Variants in PIEZO2 observed in about 807,000 individuals in gnomAD.
PIEZO2 encodes the protein piezo type mechanosensitive ion channel component 2.
In PIEZO2, 172 loss-of-function variants were observed where a neutral mutation model predicts 337.3. The observed-to-expected ratio is 0.51, with a 90% CI of 0.45 to 0.58. PIEZO2 has a LOEUF of 0.58. Among genes scored for constraint, PIEZO2 ranks in the 20% least tolerant of loss-of-function variants. PIEZO2 has a pLI of 0.00. For synonymous variants in PIEZO2, 1,251 were observed against 1,228.5 expected (o/e 1.02, Z -0.38); for missense variants, 3,028 against 3,391.3 (o/e 0.89, Z 2.66).
In PIEZO2 at chr18:10,856,240, G is replaced by A. The variant is rs1362649630; in HGVS notation, c.704-674C>T. On this transcript the variant is annotated intron_variant, in intron 6 of 55. Transcript: ENST00000674853. The surrounding 1 kb of genome is among the most constrained non-coding windows in gnomAD (Gnocchi z 4.7). ...GTGTTTTTAAGGAATCATAAATAAA[G>A]CCATCACCTTAGGGCAAAAGGAGTC... Among the ~76,000 whole-genome samples, 1 of 152,062 alleles carries A rather than the reference G, an allele frequency of 6.6e-6. No homozygotes were observed. The highest frequency in any genetic ancestry group is 1.5e-5 in the Non-Finnish European group (1 of 67,992).
chr18:11,128,079 C>T lies in PIEZO2; in HGVS notation c.64+20446G>A, dbSNP rs774611211. Among the ~76,000 whole-genome samples the T allele has an allele frequency of 6.6e-6, 1 of 152,078 alleles. No homozygotes were observed. The highest frequency in any genetic ancestry group is 2.4e-5 in the African/African-American group (1 of 41,400). On this transcript the variant is annotated intron_variant, in intron 1 of 55. Transcript: ENST00000674853. This position sits in a 1 kb window ranked among gnomAD's most constrained non-coding sequence, Gnocchi z 4.1. The stretch of plus-strand genomic sequence containing the variant: ...AATGCATTTGACACTCCTGATTCAC[C>T]ACTCATGACAGGCAAGGAGTTTAGT...
intron 3 of PIEZO2, among the ~76,000 whole-genome samples, chr18:10,967,754 C>A (rs1165533672): frequency 6.6e-6 from 1 of 152,080 alleles, no homozygotes; most frequent in African/African-American, 2.4e-5. Context: ...TGAGAATTGT[C>A]TATTCATGTC....
chr18:10,757,720 T>G (rs187620808), intron 27 of PIEZO2, among the ~76,000 whole-genome samples: 1 of 151,882 alleles, frequency 6.6e-6, no homozygotes, highest in African/African-American at 2.4e-5. Flanking sequence ...CAAGTCAGTT[T>G]TGGTATGAAG....
intron 2 of PIEZO2, among the ~76,000 whole-genome samples, chr18:11,050,996 T>C (rs912464617): frequency 6.6e-6 from 1 of 152,008 alleles, no homozygotes; most frequent in African/African-American, 2.4e-5. Flanking sequence ...AAAAAATATT[T>C]TGGGGGCAAG....
At chr18:10,780,237 C>A (rs1162717842) in intron 18 of PIEZO2, 88 bp downstream of exon 18, 3 of 689,192 alleles carry the variant, frequency 4.4e-6, no homozygotes, top group African/African-American at 3.5e-5. Flanking sequence ...TCTGACAACA[C>A]GATTTTCATG....
Position 10,677,865 on chromosome 18 carries a change from G to C in PIEZO2, c.7963C>G (p.Leu2655Val). The C allele has an allele frequency of 6.4e-7, 1 of 1,572,650 alleles. No individual in the cohort carries two copies. The highest frequency in any genetic ancestry group is 1.4e-5 in the African/African-American group (1 of 70,050). The part of the protein sequence containing the change: ...FSWSIQRNLS[L>V]GAKSEIATDK... ...GTTGCTATTTCCGATTTTGCACCCA[G>C]ACTTAAGTTTCTGTGAAGAAAAAAA... is the stretch of plus-strand genomic sequence containing the variant. The change falls in exon 53 of 56, where the codon CTG (leucine) becomes GTG (valine). Residue 2655 changes from leucine (L) to valine (V), a missense_variant. Physicochemically the swap from Leu to Val is conservative, Grantham distance 32. Transcript: ENST00000674853. The surrounding 1 kb of genome is among the most constrained non-coding windows in gnomAD (Gnocchi z 4.1).
intron 2 of PIEZO2, among the ~76,000 whole-genome samples, chr18:11,015,480 C>T (rs981813020): frequency 6.6e-6 from 1 of 152,192 alleles, no homozygotes; most frequent in East Asian, 1.9e-4. Flanking sequence ...CTCACATCTG[C>T]AAAGTCCTTT....
At position 10,979,784 on chromosome 18, in the gene PIEZO2, A is replaced by T; in HGVS notation, c.161-124T>A. The T allele has an allele frequency of 1.2e-6, 1 of 831,272 alleles. No individual in the cohort carries two copies. 51.5% of individuals were successfully genotyped at this position (831,272 alleles called of 1,614,324 possible). ...GACTCAAAAGTATATGGAATGTAAT[A>T]ATTATCATCTTAATTATTAGTCTAT... On this transcript the variant is annotated intron_variant, in intron 2 of 55. Coordinates refer to ENST00000674853, the MANE Select transcript of PIEZO2 (RefSeq NM_001378183.1). This position sits in a 1 kb window ranked among gnomAD's most constrained non-coding sequence, Gnocchi z 4.0.
In PIEZO2 at chr18:10,863,897, A is replaced by G. The variant is rs1036970992; in HGVS notation, c.493-6686T>C. On this transcript the variant is annotated intron_variant, in intron 5 of 55. Transcript: ENST00000674853. The surrounding 1 kb of genome is among the most constrained non-coding windows in gnomAD (Gnocchi z 4.3). ...ACACACACACACACCTATATCATCC[A>G]CTCAGTTCACATTAGTTCCAGAGAT... is the stretch of plus-strand genomic sequence containing the variant. Among the ~76,000 whole-genome samples, 1 of 151,724 alleles carries G rather than the reference A, an allele frequency of 6.6e-6. No homozygotes were observed. The highest frequency in any genetic ancestry group is 1.5e-5 in the Non-Finnish European group (1 of 68,006).
intron 2 of PIEZO2, among the ~76,000 whole-genome samples, chr18:11,059,850 A>G (rs1412193081): frequency 1.3e-5 from 2 of 152,204 alleles, no homozygotes; most frequent in African/African-American, 4.8e-5. Flanking sequence ...CAGATCAATG[A>G]GACAGAAAGT....
intron 2 of PIEZO2, among the ~76,000 whole-genome samples, chr18:11,000,294 AT>A (rs1451960558): frequency 6.6e-6 from 1 of 152,074 alleles, no homozygotes; most frequent in Non-Finnish European, 1.5e-5. Flanking sequence ...TCAATTTTCT[AT>A]TTCCAATTTT....
chr18:10,801,349 A>G, intron 10 of PIEZO2, 41 bp downstream of exon 10: 1 of 1,437,590 alleles, frequency 7.0e-7, no homozygotes, highest in Non-Finnish European at 9.4e-7. Flanking sequence ...CCTTTACATC[A>G]CTTACACATG....
At chr18:10,930,989 A>C (rs1001308131) in intron 3 of PIEZO2, among the ~76,000 whole-genome samples, 1 of 152,164 alleles carries the variant, frequency 6.6e-6, no homozygotes, top group Non-Finnish European at 1.5e-5. Flanking sequence ...GCTTATTTTA[A>C]ATGGTAGAAT....
At position 10,672,991 on chromosome 18, in the gene PIEZO2, A is replaced by G; in HGVS notation, c.8162-118T>C. 1 of 802,708 alleles carries G rather than the reference A, an allele frequency of 1.2e-6. No homozygotes were observed. The highest frequency in any genetic ancestry group is 2.0e-6 in the Non-Finnish European group (1 of 512,326). 49.7% of individuals were successfully genotyped at this position (802,708 alleles called of 1,614,324 possible). On this transcript the variant is annotated intron_variant, in intron 54 of 55. Transcript: ENST00000674853. This position sits in a 1 kb window ranked among gnomAD's most constrained non-coding sequence, Gnocchi z 4.7. ...ACTATAGCATAAGGTTCTAGGATGA[A>G]AAGGATGCATGGACATACTAGAAGC...
At position 11,021,968 on chromosome 18, in the gene PIEZO2, CA is replaced by C. The variant is rs1399844063; in HGVS notation, c.161-42309del. On this transcript the variant is annotated intron_variant, in intron 2 of 55. Coordinates refer to ENST00000674853, the MANE Select transcript of PIEZO2 (RefSeq NM_001378183.1). The surrounding 1 kb of genome is among the most constrained non-coding windows in gnomAD (Gnocchi z 4.7). Reference sequence around the variant, plus strand: ...AGTCACCACGTGTGAAGGGGATTTGCAGGGGGGTCTCTCAAGAACAAACCCC... The same window carrying C: ...AGTCACCACGTGTGAAGGGGATTTGCGGGGGGTCTCTCAAGAACAAACCCC... Among the ~76,000 whole-genome samples, 1 of 152,176 alleles carries C rather than the reference CA, an allele frequency of 6.6e-6. No homozygotes were observed. Among genetic ancestry groups the C allele is most frequent in the Non-Finnish European group, 1.5e-5 (1 of 68,026 alleles).
In PIEZO2 at chr18:10,862,930, A is replaced by G. The variant is rs1410146077; in HGVS notation, c.493-5719T>C. ...ATAGATTGAAATAAATTATCTCTGG[A>G]ACCTCCTTTAGGTTTCAGTCGAGCT... On this transcript the variant is annotated intron_variant, in intron 5 of 55. Coordinates refer to ENST00000674853, the MANE Select transcript of PIEZO2 (RefSeq NM_001378183.1). This position sits in a 1 kb window ranked among gnomAD's most constrained non-coding sequence, Gnocchi z 4.4. Among the ~76,000 whole-genome samples the G allele has an allele frequency of 1.3e-5, 2 of 152,216 alleles. No individual in the cohort carries two copies. The highest frequency in any genetic ancestry group is 6.5e-5 in the Admixed American group (1 of 15,284).
chr18:10,773,424 C>G lies in PIEZO2; in HGVS notation c.2773G>C (p.Glu925Gln). 1 of 1,537,342 alleles carries G rather than the reference C, an allele frequency of 6.5e-7. No individual in the cohort carries two copies. The highest frequency in any genetic ancestry group is 8.7e-7 in the Non-Finnish European group (1 of 1,146,952). Reference sequence around the variant, plus strand: ...GTGGGCTGATTACCTGATGTTTCTTCCTCCTCCTCGGATTCCTCCTCTTCC... The same window carrying G: ...GTGGGCTGATTACCTGATGTTTCTTGCTCCTCCTCGGATTCCTCCTCTTCC... ...GEEEEESEEE[E>Q]ETSDLRNKWH... Residue 925 changes from glutamate (E) to glutamine (Q), a missense_variant, in exon 20 of 56, where the codon GAA (glutamate) becomes CAA (glutamine). Coordinates refer to ENST00000674853, the MANE Select transcript of PIEZO2 (RefSeq NM_001378183.1). The surrounding 1 kb of genome is among the most constrained non-coding windows in gnomAD (Gnocchi z 5.3).
At chr18:10,720,612 A>C (rs2036271004) in intron 36 of PIEZO2, among the ~76,000 whole-genome samples, 1 of 150,192 alleles carries the variant, frequency 6.7e-6, no homozygotes. Context: ...GCAACACCAC[A>C]CCTGACTATA....
At chr18:11,086,474 C>A (rs3960982) in intron 1 of PIEZO2, among the ~76,000 whole-genome samples, 5 of 150,428 alleles carry the variant, frequency 3.3e-5, no homozygotes, top group South Asian at 2.1e-4. Flanking sequence ...AGCCGAGATC[C>A]CGCCACTGCA....
Sources: gnomAD v4.1 joint callset for allele counts (sites outside exome capture counted in the v4.1 genomes callset) on GRCh38, gnomAD v4.1.1 for gene constraint, Gnocchi (gnomAD v3.1) non-coding constraint, MANE v1.5 for transcripts, NCBI Gene and HGNC (gene_info 2026-07-23, HGNC 2026-07-21) for gene names.